The following BANK1 variants were observed in gnomAD, a reference collection of about 807,000 sequenced individuals.
BANK1 encodes B-cell scaffold protein with ankyrin repeats.
BANK1 carries 95 observed loss-of-function variants against 94.5 expected under a neutral mutation model. The observed-to-expected ratio is 1.00, with a 90% confidence interval of 0.85 to 1.19. The LOEUF (loss-of-function observed/expected upper bound fraction) is 1.19, where lower values mean the gene tolerates loss of function less well. BANK1 is among the 50% of genes most tolerant of loss of function. The pLI is 0.00. For missense variants in BANK1, 987 were observed against 932.2 expected (o/e 1.06, Z -0.77); for synonymous variants, 334 against 308.4 (o/e 1.08, Z -0.87).
chr4:102,021,424 TAAAAAC>T (rs1297441040), intron 7 of BANK1, 84 bp from the exon 8 acceptor site: 1 of 490,454 alleles, frequency 2.0e-6, no homozygotes, highest in Non-Finnish European at 3.5e-6. Flanking sequence ...AATATTTAAA[TAAAAAC>T]AAAAACTATT....
intron 7 of BANK1, among the ~76,000 whole-genome samples, chr4:101,989,668 A>T (rs1725635239): frequency 6.6e-6 from 1 of 151,276 alleles, no homozygotes; most frequent in South Asian, 2.1e-4. Flanking sequence ...CTCTTTCATG[A>T]CTGACACTTT....
chr4:101,795,183 C>A (rs553855444), intron 1 of BANK1, among the ~76,000 whole-genome samples: 2 of 152,070 alleles, frequency 1.3e-5, no homozygotes, highest in Non-Finnish European at 2.9e-5. Context: ...GTGTCAAGAC[C>A]ACTTGAAATT....
At chr4:102,018,839 G>C (rs1421851149) in intron 7 of BANK1, among the ~76,000 whole-genome samples, 1 of 131,288 alleles carries the variant, frequency 7.6e-6, no homozygotes, top group Non-Finnish European at 1.6e-5. Context: ...TTTTTTTTGA[G>C]ACAGAGTCTC....
chr4:101,863,815 C>T lies in BANK1; in HGVS notation c.763+1151C>T, dbSNP rs116060480. 6.6e-3 allele frequency among the ~76,000 whole-genome samples: 1,010 copies of T among 152,186 alleles called. 14 individuals are homozygous for T. The highest frequency in any genetic ancestry group is 0.023 in the African/African-American group (939 of 41,506). On this transcript the variant is annotated intron_variant, in intron 4 of 16. Coordinates refer to ENST00000322953, the MANE Select transcript of BANK1 (RefSeq NM_017935.5). The stretch of plus-strand genomic sequence containing the variant: ...TAAGTGGTTTAATGAATAAAATTTT[C>T]TAACTAATTAGTTTCAGAATTTAAA...
intron 2 of BANK1, among the ~76,000 whole-genome samples, chr4:101,840,407 G>A (rs1207422664): frequency 6.6e-6 from 1 of 152,096 alleles, no homozygotes; most frequent in Non-Finnish European, 1.5e-5. Flanking sequence ...CCATAAACTT[G>A]CGCCAAAACT....
intron 7 of BANK1, among the ~76,000 whole-genome samples, chr4:101,948,973 G>C (rs970652293): frequency 6.6e-6 from 1 of 151,920 alleles, no homozygotes; most frequent in Non-Finnish European, 1.5e-5. Flanking sequence ...TTAAAATATT[G>C]TTTATTCTTA....
At chr4:101,808,261 G>A (rs1160584869) in intron 1 of BANK1, among the ~76,000 whole-genome samples, 1 of 151,992 alleles carries the variant, frequency 6.6e-6, no homozygotes, top group Non-Finnish European at 1.5e-5. Flanking sequence ...AGACATTTCT[G>A]TTTTTTAGAT....
At chr4:101,948,503 T>C (rs1244615119) in intron 7 of BANK1, among the ~76,000 whole-genome samples, 1 of 152,150 alleles carries the variant, frequency 6.6e-6, no homozygotes, top group East Asian at 1.9e-4. Context: ...AAGGGAGTTA[T>C]TTATTGTAGT....
chr4:101,900,118 G>A (rs1409620830), intron 6 of BANK1, among the ~76,000 whole-genome samples: 2 of 152,264 alleles, frequency 1.3e-5, no homozygotes, highest in East Asian at 3.9e-4. Context: ...AGAACACCTT[G>A]ATGTGAAAGA....
intron 7 of BANK1, among the ~76,000 whole-genome samples, chr4:101,920,491 G>A (rs916652637): frequency 3.3e-5 from 5 of 151,836 alleles, no homozygotes; most frequent in Non-Finnish European, 7.4e-5. Context: ...TGCTTTAAAA[G>A]CCTCTATATC....
rs1247784021 is a variant in BANK1 at position 102,072,420 on chromosome 4, A to G, written c.2298+20A>G. 1 of 1,528,758 alleles carries G rather than the reference A, an allele frequency of 6.5e-7. No homozygotes were observed. The highest frequency in any genetic ancestry group is 1.7e-5 in the Admixed American group (1 of 57,798). 94.7% of individuals were successfully genotyped at this position (1,528,758 alleles called of 1,614,324 possible). A position where few individuals can be genotyped will look rare whatever the true frequency, so the allele number is the denominator to read the frequency against. On this transcript the variant is annotated intron_variant, in intron 15 of 16. Coordinates refer to ENST00000322953, the MANE Select transcript of BANK1 (RefSeq NM_017935.5). ...AATAAGGTAGGTTGTATTTATTTTG[A>G]TTTCTATAAAATGCAAAGAAATAAC...
At position 101,935,862 on chromosome 4, in the gene BANK1, T is replaced by A. The variant is rs540707732; in HGVS notation, c.1206+17673T>A. Among the ~76,000 whole-genome samples, 9 of 151,702 alleles carry A rather than the reference T, an allele frequency of 5.9e-5. No homozygotes were observed. The East Asian group carries it at 1.8e-3, about 30-fold the overall frequency. ...GTCCTGGGAAAGCTGGATATTCATATGCAGAAGAATGAAACTAGAACCCTG... is the reference window on the plus strand; with the variant it reads ...GTCCTGGGAAAGCTGGATATTCATAAGCAGAAGAATGAAACTAGAACCCTG... On this transcript the variant is annotated intron_variant, in intron 7 of 16. Coordinates refer to ENST00000322953, the MANE Select transcript of BANK1 (RefSeq NM_017935.5).
At chr4:101,987,473 C>T (rs1725552989) in intron 7 of BANK1, among the ~76,000 whole-genome samples, 1 of 152,088 alleles carries the variant, frequency 6.6e-6, no homozygotes, top group African/African-American at 2.4e-5. Context: ...TATACTCCCT[C>T]TTATTTTTCA....
chr4:101,904,184 T>C (rs765224384), intron 6 of BANK1, among the ~76,000 whole-genome samples: 2 of 152,220 alleles, frequency 1.3e-5, no homozygotes, highest in African/African-American at 4.8e-5. Context: ...AAAGAAACAG[T>C]CTTTTAAATC....
chr4:101,795,069 T>G (rs1008720908), intron 1 of BANK1, among the ~76,000 whole-genome samples: 8 of 152,056 alleles, frequency 5.3e-5, no homozygotes, highest in Admixed American at 1.3e-4. Context: ...TCATTTTTTT[T>G]TTCATCTGAT....
At chr4:101,845,622 A>G (rs1313095686) in intron 2 of BANK1, among the ~76,000 whole-genome samples, 1 of 152,212 alleles carries the variant, frequency 6.6e-6, no homozygotes, top group African/African-American at 2.4e-5. Context: ...GTGAAAACCA[A>G]TTGACAACAT....
intron 9 of BANK1, among the ~76,000 whole-genome samples, chr4:102,029,729 A>G (rs1354897547): frequency 2.6e-5 from 4 of 151,972 alleles, no homozygotes; most frequent in Non-Finnish European, 5.9e-5. Flanking sequence ...TCTTAATACA[A>G]TTTAAACTAC....
intron 7 of BANK1, among the ~76,000 whole-genome samples, chr4:101,961,389 CAGGG>C (rs1724564732): frequency 1.3e-5 from 2 of 152,264 alleles, no homozygotes; most frequent in African/African-American, 4.8e-5. Flanking sequence ...TCAGCCACTC[CAGGG>C]AGTCTCACAC....
At chr4:102,062,113 GTATCCTATGAATATAAATGAAGT>G (rs995308184) in intron 12 of BANK1, 4 of 152,108 alleles carry the variant, frequency 2.6e-5, no homozygotes, top group Non-Finnish European at 5.9e-5. Context: ...GTATTTGTTT[GTATCCTATGAATATAAATGAAGT>G]TATCAGAGGT....
Sources: allele counts gnomAD v4.1 joint callset (sites outside exome capture counted in the v4.1 genomes callset), GRCh38; gene constraint gnomAD v4.1.1; transcripts MANE v1.5; gene names NCBI Gene and HGNC (gene_info 2026-07-23, HGNC 2026-07-21).